Variants in TBCE observed in about 807,000 individuals in gnomAD.
TBCE encodes tubulin folding cofactor E, also known as tubulin-specific chaperone E.
TBCE carries 53 observed loss-of-function variants against 77.0 expected under a neutral mutation model. The ratio of observed to expected loss-of-function variants is 0.69; its 90% CI spans 0.55 to 0.87. The LOEUF (loss-of-function observed/expected upper bound fraction) is 0.87, where lower values mean the gene tolerates loss of function less well. Among genes scored for constraint, TBCE ranks in the 40% least tolerant of loss-of-function variants. The pLI is 0.00. For missense variants in TBCE, 624 were observed against 622.4 expected, an observed-to-expected ratio of 1.00 and a Z score of -0.03; for synonymous variants, 235 against 241.3, an observed-to-expected ratio of 0.97 and a Z score of 0.24.
chr1:235,419,386 A>G (rs1196101095), intron 4 of TBCE, 87 bp from the exon 5 acceptor site: 4 of 1,590,344 alleles, frequency 2.5e-6, no homozygotes, highest in Non-Finnish European at 3.4e-6. Context: ...GTACCCTTTT[A>G]TATGTCTGAA....
At chr1:235,407,856 G>A (rs551373341) in intron 3 of TBCE, among the ~76,000 whole-genome samples, 35 of 151,856 alleles carry the variant, frequency 2.3e-4, no homozygotes, top group Non-Finnish European at 4.3e-4. Context: ...TACCTTGTCC[G>A]TAGACAGCAG....
chr1:235,450,240 C>A lies in TBCE; in HGVS notation c.*1478C>A, dbSNP rs765882953. 2 of 1,614,114 alleles carry A rather than the reference C, an allele frequency of 1.2e-6. No homozygotes were observed. Among genetic ancestry groups the A allele is most frequent in the African/African-American group, 1.3e-5 (1 of 75,022 alleles). ...TTGACATCGACAAGGATCACCGCACCGTTCCTTCAGTTTCCACAGTTCCGT... is the reference window on the plus strand; with the variant it reads ...TTGACATCGACAAGGATCACCGCACAGTTCCTTCAGTTTCCACAGTTCCGT... On this transcript the variant is annotated 3_prime_UTR_variant, in exon 17 of 17. Coordinates refer to ENST00000642610, the MANE Select transcript of TBCE (RefSeq NM_003193.5).
chr1:235,448,525 T>A (rs1682635087), intron 16 of TBCE, 85 bp downstream of exon 16: 5 of 1,436,672 alleles, frequency 3.5e-6, no homozygotes, highest in Admixed American at 3.3e-5. Flanking sequence ...AGCAACAGTT[T>A]GATTCTAAAT....
At chr1:235,392,560 C>G (rs186097207) in intron 2 of TBCE, among the ~76,000 whole-genome samples, 4 of 151,356 alleles carry the variant, frequency 2.6e-5, no homozygotes, top group South Asian at 2.1e-4. Context: ...ACAGGCACCC[C>G]CCTCCATGCC....
chr1:235,391,600 C>CT (rs58265980), intron 2 of TBCE, among the ~76,000 whole-genome samples: 9,239 of 85,054 alleles, frequency 0.11, 877 homozygotes, highest in African/African-American at 0.18. Flanking sequence ...GCTTCATTTC[C>CT]TTTTTTTTTT....
At chr1:235,417,836 G>A (rs908654726) in intron 4 of TBCE, among the ~76,000 whole-genome samples, 2 of 152,162 alleles carry the variant, frequency 1.3e-5, no homozygotes, top group Middle Eastern at 3.2e-3. Flanking sequence ...GAGCGCAATG[G>A]TGTGATCTCG....
intron 1 of TBCE, among the ~76,000 whole-genome samples, chr1:235,372,115 T>C (rs559559544): frequency 1.1e-3 from 171 of 152,272 alleles, no homozygotes; most frequent in African/African-American, 3.8e-3. Flanking sequence ...CCAAATACAT[T>C]GGCCTATAGG....
At chr1:235,398,678 G>A (rs1248784933) in intron 2 of TBCE, among the ~76,000 whole-genome samples, 2 of 145,804 alleles carry the variant, frequency 1.4e-5, no homozygotes, top group African/African-American at 5.0e-5. Flanking sequence ...GAGTGCAGTA[G>A]CACTATCTGC....
intron 1 of TBCE, among the ~76,000 whole-genome samples, chr1:235,378,532 T>C (rs1299379171): frequency 6.6e-6 from 1 of 152,098 alleles, no homozygotes; most frequent in Middle Eastern, 3.2e-3. Context: ...CCAACACTGC[T>C]AGCTTTTTAA....
At chr1:235,378,873 A>T (rs182317426) in intron 1 of TBCE, among the ~76,000 whole-genome samples, 28 of 152,094 alleles carry the variant, frequency 1.8e-4, no homozygotes, top group African/African-American at 6.5e-4. Flanking sequence ...GAAAAGAAAA[A>T]AAGAAAGTGA....
chr1:235,445,330 C>A (rs1325525431), intron 15 of TBCE, among the ~76,000 whole-genome samples: 2 of 152,134 alleles, frequency 1.3e-5, no homozygotes, highest in South Asian at 4.1e-4. Flanking sequence ...TAAATGTCTT[C>A]TAAACAGAAA....
intron 13 of TBCE, among the ~76,000 whole-genome samples, chr1:235,439,964 G>C (rs1475917539): frequency 6.6e-6 from 1 of 151,492 alleles, no homozygotes; most frequent in Admixed American, 6.6e-5. Flanking sequence ...ACCATGCCTG[G>C]CTAATTTTTG....
At chr1:235,445,798 G>A (rs947625172) in intron 15 of TBCE, among the ~76,000 whole-genome samples, 5 of 152,084 alleles carry the variant, frequency 3.3e-5, no homozygotes, top group Non-Finnish European at 7.3e-5. Flanking sequence ...CTCTGACCAA[G>A]CATTGTATCT....
At chr1:235,411,399 C>A (rs914308446) in intron 3 of TBCE, among the ~76,000 whole-genome samples, 3 of 152,182 alleles carry the variant, frequency 2.0e-5, no homozygotes, top group Non-Finnish European at 1.5e-5. Flanking sequence ...GTCCCAAGGT[C>A]ACCCAGTCAG....
chr1:235,436,699 A>C (rs972892243), intron 11 of TBCE, 91 bp downstream of exon 11: 13 of 1,264,918 alleles, frequency 1.0e-5, no homozygotes, highest in Non-Finnish European at 1.4e-5. Flanking sequence ...AAAAAGTAAA[A>C]AGAAATTTAA....
Position 235,449,044 on chromosome 1 carries a change from AG to A in TBCE, c.*283del. On this transcript the variant is annotated 3_prime_UTR_variant, in exon 17 of 17. Transcript: ENST00000642610. Reference sequence around the variant, plus strand: ...TCATGATAAGATTTAAATATTAAATAGAAAGAAACTAGCTAGCCTAATAAAA... The same window carrying A: ...TCATGATAAGATTTAAATATTAAATAAAAGAAACTAGCTAGCCTAATAAAA... The A allele has an allele frequency of 2.9e-6, 1 of 348,344 alleles. No individual in the cohort carries two copies. The highest frequency in any genetic ancestry group is 5.4e-6 in the Non-Finnish European group (1 of 184,224). The allele number at this position is 348,344 out of a possible 1,614,324, so 21.6% of individuals were successfully genotyped here. A position where few individuals can be genotyped will look rare whatever the true frequency, so the allele number is the denominator to read the frequency against.
intron 2 of TBCE, among the ~76,000 whole-genome samples, chr1:235,396,101 C>G (rs934173374): frequency 6.6e-6 from 1 of 151,892 alleles, no homozygotes; most frequent in Non-Finnish European, 1.5e-5. Flanking sequence ...GCTTTGCCGC[C>G]CAGGCTGGAG....
chr1:235,438,002 GC>G (rs762019455), intron 12 of TBCE, among the ~76,000 whole-genome samples: 41 of 152,062 alleles, frequency 2.7e-4, no homozygotes, highest in Non-Finnish European at 4.4e-4. Flanking sequence ...GGCACACCAG[GC>G]ACCGTCTCCA....
chr1:235,400,631 AC>A (rs1679043573), intron 2 of TBCE, among the ~76,000 whole-genome samples: 1 of 150,568 alleles, frequency 6.6e-6, no homozygotes, highest in South Asian at 2.1e-4. Flanking sequence ...CGAACTCCTG[AC>A]CTCGTGATCC....
Sources: gnomAD v4.1 joint callset for allele counts (sites outside exome capture counted in the v4.1 genomes callset) on GRCh38, gnomAD v4.1.1 for gene constraint, MANE v1.5 for transcripts, NCBI Gene and HGNC (gene_info 2026-07-23, HGNC 2026-07-21) for gene names.